The following SLC24A2 variants were observed in gnomAD, a reference collection of about 807,000 sequenced individuals.
SLC24A2 encodes the protein solute carrier family 24 member 2.
SLC24A2 carries 36 observed loss-of-function variants against 62.0 expected under a neutral mutation model. That is an observed-to-expected ratio of 0.58 (90% confidence interval 0.44 to 0.77). The LOEUF (loss-of-function observed/expected upper bound fraction) is 0.77, where lower values mean the gene tolerates loss of function less well. Ranked by LOEUF, SLC24A2 falls within the 30% of genes least tolerant of loss-of-function variation. SLC24A2 has a pLI of 0.00. For missense variants in SLC24A2, 846 were observed against 817.9 expected (o/e 1.03, Z -0.42); for synonymous variants, 358 against 294.0 (o/e 1.22, Z -2.23).
intron 7 of SLC24A2, among the ~76,000 whole-genome samples, chr9:19,553,729 A>T (rs763409226): frequency 8.5e-5 from 13 of 152,214 alleles, no homozygotes; most frequent in Non-Finnish European, 1.5e-4. Context: ...GTCACTAAGC[A>T]CCTACAGGTG....
At chr9:19,619,415 G>A (rs1817852642) in intron 4 of SLC24A2, among the ~76,000 whole-genome samples, 169 bp downstream of exon 4, 1 of 152,186 alleles carries the variant, frequency 6.6e-6, no homozygotes, top group East Asian at 1.9e-4. Context: ...GGTGAACTGA[G>A]CTGTTGCAGA....
At chr9:19,691,292 T>C (rs1453415525) in intron 2 of SLC24A2, among the ~76,000 whole-genome samples, 1 of 152,186 alleles carries the variant, frequency 6.6e-6, no homozygotes, top group Non-Finnish European at 1.5e-5. Context: ...TGTAGCCACA[T>C]GCCAGCCCCC....
the SLC24A2 span, among the ~76,000 whole-genome samples, chr9:20,282,132 A>G: frequency 3.3e-5 from 5 of 152,274 alleles, no homozygotes; most frequent in Non-Finnish European, 7.4e-5. Context: ...AATATCCCAA[A>G]CTATTAAAAC....
At chr9:20,021,964 G>A in the SLC24A2 span, among the ~76,000 whole-genome samples, 6 of 151,986 alleles carry the variant, frequency 3.9e-5, no homozygotes, top group Admixed American at 6.6e-5. Flanking sequence ...GTGAATACCC[G>A]AATGTTAACA....
At chr9:20,271,579 T>C in the SLC24A2 span, among the ~76,000 whole-genome samples, 1 of 152,336 alleles carries the variant, frequency 6.6e-6, no homozygotes, top group African/African-American at 2.4e-5. Flanking sequence ...CTAGGTGCAA[T>C]AGACAAATGA....
chr9:19,949,200 G>A, the SLC24A2 span, among the ~76,000 whole-genome samples: 5 of 151,910 alleles, frequency 3.3e-5, no homozygotes, highest in Admixed American at 2.0e-4. Flanking sequence ...CACCATGTTG[G>A]CCAGGATGGT....
chr9:19,678,832 A>G (rs1819631014), intron 2 of SLC24A2, among the ~76,000 whole-genome samples: 1 of 152,250 alleles, frequency 6.6e-6, no homozygotes, highest in African/African-American at 2.4e-5. Flanking sequence ...CATTGTTCAC[A>G]GAATTGATAA....
At chr9:20,271,380 C>G in the SLC24A2 span, among the ~76,000 whole-genome samples, 1 of 152,224 alleles carries the variant, frequency 6.6e-6, no homozygotes, top group African/African-American at 2.4e-5. Flanking sequence ...AAGAGTGAGA[C>G]TGTGTGTCTT....
chr9:20,199,163 G>C, the SLC24A2 span, among the ~76,000 whole-genome samples: 1 of 152,090 alleles, frequency 6.6e-6, no homozygotes, highest in Non-Finnish European at 1.5e-5. Context: ...TCTCTCTCCA[G>C]TTAGGGATGA....
the SLC24A2 span, among the ~76,000 whole-genome samples, chr9:20,076,076 G>C: frequency 6.6e-6 from 1 of 152,070 alleles, no homozygotes; most frequent in Admixed American, 6.6e-5. Flanking sequence ...AATGCTTTCC[G>C]TACAGATGCA....
At chr9:19,960,358 T>C in the SLC24A2 span, among the ~76,000 whole-genome samples, 7 of 152,232 alleles carry the variant, frequency 4.6e-5, no homozygotes, top group African/African-American at 1.7e-4. Context: ...TTCTATTTCT[T>C]TAAATGCTGT....
intron 5 of SLC24A2, among the ~76,000 whole-genome samples, chr9:19,582,448 T>C (rs568040211): frequency 2.6e-5 from 4 of 152,042 alleles, no homozygotes; most frequent in South Asian, 2.1e-4. Context: ...GAAACAACGA[T>C]GGGACAAAAG....
intron 2 of SLC24A2, among the ~76,000 whole-genome samples, chr9:19,725,954 A>G (rs1195353819): frequency 1.3e-5 from 2 of 152,220 alleles, no homozygotes; most frequent in African/African-American, 4.8e-5. Context: ...TTATATCCAG[A>G]CGTATAGAGC....
Position 19,627,597 on chromosome 9 carries a change from C to A in SLC24A2, c.931-5298G>T, listed in dbSNP as rs138011811. Among the ~76,000 whole-genome samples the A allele has an allele frequency of 2.1e-4, 32 of 152,306 alleles. No individual in the cohort carries two copies. In the East Asian group the frequency reaches 6.2e-3, roughly 29 times the overall value. On this transcript the variant is annotated intron_variant, in intron 2 of 10. Transcript: ENST00000341998. Reference sequence around the variant, plus strand: ...CTGGAGTGCAGTGGTGCGACCATAGCTCCCTGCAACCTCAAACTCCTGGGC... The same window carrying A: ...CTGGAGTGCAGTGGTGCGACCATAGATCCCTGCAACCTCAAACTCCTGGGC...
At chr9:19,648,302 T>C (rs1436041103) in intron 2 of SLC24A2, among the ~76,000 whole-genome samples, 1 of 152,152 alleles carries the variant, frequency 6.6e-6, no homozygotes, top group Non-Finnish European at 1.5e-5. Context: ...CAAATAAGAA[T>C]AATACAGTTC....
At chr9:20,183,757 A>T in the SLC24A2 span, among the ~76,000 whole-genome samples, 4 of 152,202 alleles carry the variant, frequency 2.6e-5, no homozygotes, top group Non-Finnish European at 5.9e-5. Context: ...GTCAGGACTG[A>T]TCTTGAGAGC....
chr9:19,660,471 A>G (rs1288098904), intron 2 of SLC24A2, among the ~76,000 whole-genome samples: 6 of 152,168 alleles, frequency 3.9e-5, no homozygotes, highest in African/African-American at 1.2e-4. Context: ...TTCAGAAGTG[A>G]GAAAGTTCTC....
At chr9:20,277,693 T>C in the SLC24A2 span, among the ~76,000 whole-genome samples, 1 of 152,114 alleles carries the variant, frequency 6.6e-6, no homozygotes, top group Non-Finnish European at 1.5e-5. Context: ...TCCTCAGGGA[T>C]CTAGAACTAG....
the SLC24A2 span, among the ~76,000 whole-genome samples, chr9:20,027,863 A>G: frequency 6.6e-6 from 1 of 152,244 alleles, no homozygotes; most frequent in Non-Finnish European, 1.5e-5. Flanking sequence ...CTCAATGTAT[A>G]TATACTTCAA....
Sources: gnomAD v4.1 joint callset for allele counts (sites outside exome capture counted in the v4.1 genomes callset) on GRCh38, gnomAD v4.1.1 for gene constraint, MANE v1.5 for transcripts, NCBI Gene and HGNC (gene_info 2026-07-23, HGNC 2026-07-21) for gene names.